CNOT2: variants seen among roughly 807,000 people sequenced by gnomAD.
CNOT2 encodes the protein CC chemokine receptor 4-negative regulator of transcription 2.
CNOT2 carries 7 observed loss-of-function variants against 72.1 expected under a neutral mutation model. The ratio of observed to expected loss-of-function variants is 0.10; its 90% CI spans 0.06 to 0.18. CNOT2 has a LOEUF of 0.18. Among genes scored for constraint, CNOT2 ranks in the 10% least tolerant of loss-of-function variants. The pLI is 1.00. For missense variants in CNOT2, 345 were observed against 660.3 expected (o/e 0.52, Z 5.23); for synonymous variants, 196 against 225.6 (o/e 0.87, Z 1.17).
At position 70,348,513 on chromosome 12, in the gene CNOT2, T is replaced by C. The variant is rs148719956; in HGVS notation, c.1536+2189T>C. Among the ~76,000 whole-genome samples the C allele has an allele frequency of 1.6e-3, 238 of 152,290 alleles. 2 individuals are homozygous for C. Among genetic ancestry groups the C allele is most frequent in the African/African-American group, 5.5e-3 (229 of 41,556 alleles). ...ACATCTTTGGAAGAAGAAAAAAATT[T>C]TATTAGGAAAGAACTGAAGTTTTCT... On this transcript the variant is annotated intron_variant, in intron 15 of 15. Transcript: ENST00000229195.
chr12:70,350,585 C>T (rs570441727), intron 15 of CNOT2, among the ~76,000 whole-genome samples: 9 of 152,282 alleles, frequency 5.9e-5, no homozygotes, highest in Admixed American at 1.3e-4. Flanking sequence ...AAATTCCATA[C>T]CTGACACCTT....
chr12:70,340,894 T>C (rs1255108268), intron 11 of CNOT2, among the ~76,000 whole-genome samples: 2 of 127,416 alleles, frequency 1.6e-5, no homozygotes, highest in South Asian at 2.6e-4. Context: ...CAAATCTTTT[T>C]TTTTTTTTTT....
chr12:70,262,272 T>G (rs996415469), intron 1 of CNOT2, among the ~76,000 whole-genome samples: 7 of 151,968 alleles, frequency 4.6e-5, no homozygotes, highest in Admixed American at 1.3e-4. Flanking sequence ...TTCTAGGTTT[T>G]GTTTTGTTTT....
chr12:70,252,227 C>T (rs1336060861), intron 1 of CNOT2, among the ~76,000 whole-genome samples: 2 of 152,120 alleles, frequency 1.3e-5, no homozygotes, highest in African/African-American at 2.4e-5. Flanking sequence ...CACTTTGTCA[C>T]CCAGGCTGGA....
At position 70,329,520 on chromosome 12, in the gene CNOT2, A is replaced by T; in HGVS notation, c.336A>T (p.Pro112=). 4 of 1,611,514 alleles carry T rather than the reference A, an allele frequency of 2.5e-6. No homozygotes were observed. The highest frequency in any genetic ancestry group is 3.4e-6 in the Non-Finnish European group (4 of 1,178,052). ...QGTQLPSHVT[P]TTGVPTMSLH... ...CTCAGTTACCGAGCCACGTCACGCC[A>T]ACAACAGGGGTACCAACAATGTCAC... Residue 112 remains proline, a synonymous_variant, in exon 5 of 16, where the codon CCA becomes CCT. Transcript: ENST00000229195.
At chr12:70,332,682 A>G in intron 6 of CNOT2, 85 bp from the exon 7 acceptor site, 1 of 1,434,606 alleles carries the variant, frequency 7.0e-7, no homozygotes, top group Non-Finnish European at 9.1e-7. Context: ...TTTTATATGG[A>G]GACCAAAAAT....
At chr12:70,309,338 A>C (rs1182885635) in intron 2 of CNOT2, among the ~76,000 whole-genome samples, 1 of 152,238 alleles carries the variant, frequency 6.6e-6, no homozygotes, top group Admixed American at 6.5e-5. Flanking sequence ...GTAATAGGTT[A>C]GCTGTCCTTA....
At chr12:70,334,783 G>A (rs1242583498) in intron 7 of CNOT2, 1 of 152,056 alleles carries the variant, frequency 6.6e-6, no homozygotes, top group Admixed American at 6.6e-5. Context: ...AGCGCCTACT[G>A]TGTAATAGGT....
At chr12:70,262,013 T>G (rs1450153356) in intron 1 of CNOT2, among the ~76,000 whole-genome samples, 2 of 152,132 alleles carry the variant, frequency 1.3e-5, no homozygotes, top group Admixed American at 6.5e-5. Flanking sequence ...CATTATTTCT[T>G]TACGATCCTT....
chr12:70,317,110 A>G (rs1877469793), intron 3 of CNOT2, among the ~76,000 whole-genome samples: 1 of 152,130 alleles, frequency 6.6e-6, no homozygotes, highest in East Asian at 1.9e-4. Flanking sequence ...AGAATTTTAT[A>G]TAAATCTTTT....
intron 11 of CNOT2, among the ~76,000 whole-genome samples, chr12:70,340,537 T>G (rs1881350089): frequency 6.6e-6 from 1 of 152,202 alleles, no homozygotes; most frequent in African/African-American, 2.4e-5. Context: ...ACCCCCCAAC[T>G]TATTCTGTCT....
At chr12:70,311,567 T>A (rs12313221) in intron 3 of CNOT2, among the ~76,000 whole-genome samples, 2,046 of 152,098 alleles carry the variant, frequency 0.013, 44 homozygotes, top group African/African-American at 0.046. Context: ...ATTAAATGCT[T>A]TGGAAGGCTA....
chr12:70,294,307 TG>T (rs747105249), intron 2 of CNOT2: 2 of 1,289,098 alleles, frequency 1.6e-6, no homozygotes, highest in South Asian at 2.5e-5. Context: ...AAGTATGTGG[TG>T]GGGAAAGCCG....
intron 1 of CNOT2, among the ~76,000 whole-genome samples, chr12:70,257,354 CTTT>C (rs34175539): frequency 7.8e-6 from 1 of 128,562 alleles, no homozygotes; most frequent in African/African-American, 2.8e-5. Flanking sequence ...CAACTACCCC[CTTT>C]TTTTTTTTTT....
At chr12:70,284,111 G>A (rs926925939) in intron 2 of CNOT2, among the ~76,000 whole-genome samples, 1 of 151,194 alleles carries the variant, frequency 6.6e-6, no homozygotes, top group Non-Finnish European at 1.5e-5. Context: ...CCAGCTAATT[G>A]TGTATTTGTT....
intron 15 of CNOT2, among the ~76,000 whole-genome samples, chr12:70,352,515 T>C (rs1409042850): frequency 1.3e-5 from 2 of 152,194 alleles, no homozygotes; most frequent in Non-Finnish European, 2.9e-5. Flanking sequence ...TTCATTTTAA[T>C]TTAATAATGG....
intron 1 of CNOT2, among the ~76,000 whole-genome samples, chr12:70,252,964 T>G (rs1462636073): frequency 1.3e-5 from 2 of 152,208 alleles, no homozygotes; most frequent in African/African-American, 2.4e-5. Flanking sequence ...TATACTCTTT[T>G]TTGTATCAGA....
intron 2 of CNOT2, among the ~76,000 whole-genome samples, chr12:70,294,517 A>G (rs991642178): frequency 2.0e-4 from 30 of 152,194 alleles, no homozygotes; most frequent in Non-Finnish European, 3.5e-4. Flanking sequence ...TTAATAAACT[A>G]TTAATATTAT....
intron 2 of CNOT2, among the ~76,000 whole-genome samples, chr12:70,282,964 TAC>T (rs1310074626): frequency 1.3e-5 from 2 of 152,304 alleles, no homozygotes; most frequent in South Asian, 4.1e-4. Context: ...TTCTGCATAA[TAC>T]AGAGTATTTA....
Sources: allele counts gnomAD v4.1 joint callset (sites outside exome capture counted in the v4.1 genomes callset), GRCh38; gene constraint gnomAD v4.1.1; transcripts MANE v1.5; gene names NCBI Gene and HGNC (gene_info 2026-07-23, HGNC 2026-07-21).